The following FBXW11 variants were observed in gnomAD, a reference collection of about 807,000 sequenced individuals.
FBXW11 encodes F-box and WD repeat domain containing 11.
FBXW11 carries 19 observed loss-of-function variants against 77.6 expected under a neutral mutation model. The ratio of observed to expected loss-of-function variants is 0.24; its 90% CI spans 0.17 to 0.36. The LOEUF is 0.36. Among genes scored for constraint, FBXW11 ranks in the 10% least tolerant of loss-of-function variants. The probability of loss-of-function intolerance (pLI) is 1.00; values close to 1 mark genes in which losing one functional copy is unlikely to be tolerated. For synonymous variants in FBXW11, 235 were observed against 249.4 expected, an observed-to-expected ratio of 0.94 and a Z score of 0.54; for missense variants, 334 against 704.2, an observed-to-expected ratio of 0.47 and a Z score of 5.95.
intron 2 of FBXW11, among the ~76,000 whole-genome samples, chr5:171,951,221 T>G (rs1412575457): frequency 5.9e-5 from 9 of 151,290 alleles, no homozygotes; most frequent in Non-Finnish European, 1.3e-4. Context: ...AAAAAAATTG[T>G]AGTCTAAAGG....
At chr5:171,961,679 C>A (rs1450327201) in intron 1 of FBXW11, among the ~76,000 whole-genome samples, 1 of 152,118 alleles carries the variant, frequency 6.6e-6, no homozygotes, top group Non-Finnish European at 1.5e-5. Context: ...TGGAGCCTCG[C>A]TCTGTCACCC....
intron 2 of FBXW11, among the ~76,000 whole-genome samples, chr5:171,938,154 C>T (rs367893306): frequency 6.6e-6 from 1 of 152,346 alleles, no homozygotes; most frequent in South Asian, 2.1e-4. Context: ...CTCTTCCAGA[C>T]TCAAGTTATC....
chr5:171,951,464 G>A (rs1162496785), intron 2 of FBXW11, among the ~76,000 whole-genome samples: 1 of 152,040 alleles, frequency 6.6e-6, no homozygotes, highest in Non-Finnish European at 1.5e-5. Context: ...TTGAGCTTGG[G>A]AGGTCAAGGT....
At chr5:171,933,545 T>C (rs1396145319) in intron 2 of FBXW11, among the ~76,000 whole-genome samples, 1 of 152,206 alleles carries the variant, frequency 6.6e-6, no homozygotes, top group East Asian at 1.9e-4. Flanking sequence ...TTGCATCAAA[T>C]GTATCCCTGT....
At chr5:171,942,636 C>CA (rs920305282) in intron 2 of FBXW11, among the ~76,000 whole-genome samples, 39 of 152,002 alleles carry the variant, frequency 2.6e-4, no homozygotes, top group Non-Finnish European at 4.9e-4. Context: ...CCCGTCTCTA[C>CA]AAAAAAATCC....
In FBXW11 at chr5:171,910,804, T is replaced by C; in HGVS notation, c.211-7A>G. 6.6e-7 allele frequency: 1 copy of C among 1,522,766 alleles called. No homozygotes were observed. 94.3% of individuals were successfully genotyped at this position (1,522,766 alleles called of 1,614,324 possible). A position where few individuals can be genotyped will look rare whatever the true frequency, so the allele number is the denominator to read the frequency against. On this transcript the variant is annotated splice_polypyrimidine_tract_variant and splice_region_variant and intron_variant, in intron 3 of 13. Transcript: ENST00000517395. ...ATGATGTTCCATTACTTATCTATTT[T>C]AGAAAAACAAAAAAAAAATTAGTTT...
At chr5:171,962,164 C>A (rs1337497123) in intron 1 of FBXW11, among the ~76,000 whole-genome samples, 1 of 151,884 alleles carries the variant, frequency 6.6e-6, no homozygotes, top group Non-Finnish European at 1.5e-5. Context: ...CTGAAGAATA[C>A]CCCTGATACC....
At chr5:171,885,762 T>C (rs1758836630) in intron 7 of FBXW11, among the ~76,000 whole-genome samples, 1 of 152,230 alleles carries the variant, frequency 6.6e-6, no homozygotes, top group Non-Finnish European at 1.5e-5. Context: ...TATCATAATT[T>C]GTAGTGACTC....
At chr5:171,947,541 TA>T (rs760595074) in intron 2 of FBXW11, among the ~76,000 whole-genome samples, 2,695 of 140,950 alleles carry the variant, frequency 0.019, 72 homozygotes, top group African/African-American at 0.064. Context: ...TCTCAATTAT[TA>T]AAAAAAAAAA....
chr5:171,962,824 A>T (rs1763979461), intron 1 of FBXW11, among the ~76,000 whole-genome samples: 1 of 152,146 alleles, frequency 6.6e-6, no homozygotes, highest in African/African-American at 2.4e-5. Context: ...GATTGTTTTG[A>T]ATCTCCTGCC....
Position 171,925,609 on chromosome 5 carries a change from T to C in FBXW11, c.148-11204A>G, listed in dbSNP as rs371254010. ...AATCTTCCAGCCTCAGCCTCCCAAG[T>C]AGCTGGGACCACAGGTGCATGCCAC... is the stretch of plus-strand genomic sequence containing the variant. On this transcript the variant is annotated intron_variant, in intron 2 of 13. Transcript: ENST00000517395. Among the ~76,000 whole-genome samples, 16 of 152,340 alleles carry C rather than the reference T, an allele frequency of 1.1e-4. No homozygotes were observed. The South Asian group carries it at 2.7e-3, about 26-fold the overall frequency.
At chr5:171,939,965 CT>C (rs1342075658) in intron 2 of FBXW11, among the ~76,000 whole-genome samples, 1 of 152,068 alleles carries the variant, frequency 6.6e-6, no homozygotes, top group African/African-American at 2.4e-5. Flanking sequence ...CTATAGACTA[CT>C]TATAATTCCA....
At chr5:171,914,519 C>A (rs1341183033) in intron 2 of FBXW11, 114 bp from the exon 3 acceptor site, 2 of 840,748 alleles carry the variant, frequency 2.4e-6, no homozygotes, top group African/African-American at 1.8e-5. Flanking sequence ...AACCCAAGAA[C>A]TATTTGGCTT....
intron 7 of FBXW11, among the ~76,000 whole-genome samples, chr5:171,880,616 T>C (rs1253720016): frequency 2.0e-5 from 3 of 152,248 alleles, no homozygotes; most frequent in Non-Finnish European, 2.9e-5. Context: ...ATCAGTTTTA[T>C]AGTTTTCTTC....
chr5:171,872,586 T>C (rs1254024430), intron 10 of FBXW11, among the ~76,000 whole-genome samples: 3 of 152,202 alleles, frequency 2.0e-5, no homozygotes, highest in Non-Finnish European at 2.9e-5. Context: ...TGGGCTGCAC[T>C]GCAGCACCCT....
intron 11 of FBXW11, 138 bp downstream of exon 11, chr5:171,870,610 G>T: frequency 1.6e-6 from 1 of 608,122 alleles, no homozygotes; most frequent in Non-Finnish European, 2.9e-6. Context: ...TAAACAACAG[G>T]TATAATAATA....
chr5:171,865,103 T>C (rs938024734), intron 13 of FBXW11, among the ~76,000 whole-genome samples: 3 of 152,168 alleles, frequency 2.0e-5, no homozygotes, highest in African/African-American at 7.2e-5. Context: ...CAATTTCATT[T>C]GCTACTGTTT....
chr5:171,920,753 AGT>A (rs1433606254), intron 2 of FBXW11, among the ~76,000 whole-genome samples: 1 of 152,158 alleles, frequency 6.6e-6, no homozygotes, highest in Non-Finnish European at 1.5e-5. Flanking sequence ...AAATACATAT[AGT>A]GTGTTTTTTT....
intron 1 of FBXW11, chr5:172,003,431 C>T (rs1399913708): frequency 1.3e-5 from 2 of 152,168 alleles, no homozygotes; most frequent in African/African-American, 4.8e-5. Flanking sequence ...TTACATATTT[C>T]CAAAATGAAT....
Sources: allele counts gnomAD v4.1 joint callset (sites outside exome capture counted in the v4.1 genomes callset), GRCh38; gene constraint gnomAD v4.1.1; transcripts MANE v1.5; gene names NCBI Gene and HGNC (gene_info 2026-07-23, HGNC 2026-07-21).